TAF4B: variants seen among roughly 807,000 people sequenced by gnomAD.
TAF4B encodes the protein transcription initiation factor TFIID subunit 4B.
A neutral mutation model predicts 86.4 loss-of-function variants in TAF4B; 38 were observed. The observed-to-expected ratio is 0.44, with a 90% CI of 0.34 to 0.58. TAF4B has a LOEUF of 0.58. Ranked by LOEUF, TAF4B falls within the 20% of genes least tolerant of loss-of-function variation. The pLI is 0.02. For missense variants in TAF4B, 988 were observed against 1,027.6 expected (o/e 0.96, Z 0.53); for synonymous variants, 388 against 391.2 (o/e 0.99, Z 0.10).
chr18:26,307,551 A>G (rs1370879181), intron 9 of TAF4B, among the ~76,000 whole-genome samples: 1 of 152,072 alleles, frequency 6.6e-6, no homozygotes, highest in Non-Finnish European at 1.5e-5. Context: ...TATTTTAGAG[A>G]TACATAATAA....
At chr18:26,306,201 G>C (rs2056793005) in intron 9 of TAF4B, among the ~76,000 whole-genome samples, 1 of 151,950 alleles carries the variant, frequency 6.6e-6, no homozygotes, top group Non-Finnish European at 1.5e-5. Context: ...ATTTTGGGGG[G>C]TACATAGGCG....
At chr18:26,333,323 C>T (rs973514373) in intron 12 of TAF4B, among the ~76,000 whole-genome samples, 5 of 150,176 alleles carry the variant, frequency 3.3e-5, no homozygotes, top group African/African-American at 9.8e-5. Flanking sequence ...CAGGTTCAAA[C>T]GATTCTTAGG....
intron 12 of TAF4B, among the ~76,000 whole-genome samples, chr18:26,330,521 C>G (rs751006639): frequency 3.3e-5 from 5 of 152,142 alleles, no homozygotes; most frequent in African/African-American, 4.8e-5. Context: ...AGAAACTGAG[C>G]TTAGGTCATA....
intron 13 of TAF4B, among the ~76,000 whole-genome samples, chr18:26,346,057 G>T (rs1454094188): frequency 6.6e-6 from 1 of 152,058 alleles, no homozygotes; most frequent in Non-Finnish European, 1.5e-5. Flanking sequence ...TAACTTTGAA[G>T]TTCTGGGCTC....
intron 6 of TAF4B, among the ~76,000 whole-genome samples, chr18:26,285,232 T>TGTTTTTG: frequency 7.3e-6 from 1 of 137,908 alleles, no homozygotes; most frequent in Non-Finnish European, 1.6e-5. Context: ...GTTTTTTTTT[T>TGTTTTTG]TTTTGGAGAT....
In TAF4B at chr18:26,286,008, G is replaced by A. The variant is rs550836716; in HGVS notation, c.1099G>A (p.Val367Met). ...TACAACAGTAACAACTTCTCCTGTG[G>A]TGACAACTACAGTGTCCTCAAGCCA... ...CTTTVTTSPV[V>M]TTTVSSSQSE... The change falls in exon 7 of 15, where the codon GTG (valine) becomes ATG (methionine). Residue 367 changes from valine to methionine, a missense_variant. By Grantham distance (21) the Val-to-Met change is conservative. Transcript: ENST00000269142. 1.6e-4 allele frequency: 251 copies of A among 1,614,188 alleles called. 1 individual carries two copies. Among genetic ancestry groups the A allele is most frequent in the Non-Finnish European group, 3.4e-6 (4 of 1,180,042 alleles).
chr18:26,383,566 T>C (rs575241604), intron 14 of TAF4B, among the ~76,000 whole-genome samples: 4 of 152,172 alleles, frequency 2.6e-5, no homozygotes, highest in Non-Finnish European at 5.9e-5. Flanking sequence ...AATTGAACAG[T>C]GGCATCTGGA....
At chr18:26,257,488 C>T (rs2056101181) in intron 1 of TAF4B, among the ~76,000 whole-genome samples, 1 of 152,108 alleles carries the variant, frequency 6.6e-6, no homozygotes, top group Non-Finnish European at 1.5e-5. Flanking sequence ...TTTTATCCAA[C>T]CTAGCACTTT....
At chr18:26,315,498 G>A (rs2050935806) in intron 10 of TAF4B, 100 bp downstream of exon 10, 3 of 773,328 alleles carry the variant, frequency 3.9e-6, no homozygotes, top group East Asian at 2.7e-5. Context: ...GGAACTCTGA[G>A]GCTTAAATAA....
chr18:26,323,391 G>A (rs1316409569), intron 11 of TAF4B, among the ~76,000 whole-genome samples: 2 of 152,032 alleles, frequency 1.3e-5, no homozygotes, highest in East Asian at 3.9e-4. Context: ...ATCCAGGCTG[G>A]AGTGCAGTGG....
intron 3 of TAF4B, among the ~76,000 whole-genome samples, chr18:26,271,722 G>C (rs2056320901): frequency 6.6e-6 from 1 of 152,068 alleles, no homozygotes; most frequent in Non-Finnish European, 1.5e-5. Context: ...TCAGGAGTTT[G>C]AGACCAGCTT....
intron 13 of TAF4B, among the ~76,000 whole-genome samples, chr18:26,349,190 T>C (rs2057224316): frequency 6.6e-6 from 1 of 152,188 alleles, no homozygotes; most frequent in Admixed American, 6.5e-5. Context: ...TGGGGTACGA[T>C]TGATCCCAGC....
chr18:26,244,199 C>T (rs1004112371), intron 1 of TAF4B, among the ~76,000 whole-genome samples: 4 of 152,232 alleles, frequency 2.6e-5, no homozygotes, highest in African/African-American at 9.6e-5. Context: ...GACAGGAAGG[C>T]CTCCTTGAGC....
chr18:26,338,708 C>T (rs533298814), intron 13 of TAF4B, among the ~76,000 whole-genome samples: 4 of 151,820 alleles, frequency 2.6e-5, no homozygotes, highest in Non-Finnish European at 4.4e-5. Flanking sequence ...GAACTCCCGA[C>T]GTCAGGTGAT....
At chr18:26,237,126 G>T (rs971865901) in intron 1 of TAF4B, among the ~76,000 whole-genome samples, 1 of 152,104 alleles carries the variant, frequency 6.6e-6, no homozygotes, top group Admixed American at 6.6e-5. Context: ...GTCCCAGTGG[G>T]GATCCGTACT....
chr18:26,257,977 TGGGTGTG>T (rs1285525952), intron 1 of TAF4B, among the ~76,000 whole-genome samples: 2 of 151,990 alleles, frequency 1.3e-5, no homozygotes, highest in Non-Finnish European at 2.9e-5. Flanking sequence ...AAGCTGAGGC[TGGGTGTG>T]GTGGCTCATG....
At chr18:26,388,042 G>A (rs1978480803) in intron 14 of TAF4B, among the ~76,000 whole-genome samples, 2 of 152,112 alleles carry the variant, frequency 1.3e-5, no homozygotes, top group African/African-American at 2.4e-5. Flanking sequence ...GTTATAAAAG[G>A]ACAGTAACAG....
At chr18:26,232,522 A>G (rs1405809296) in intron 1 of TAF4B, among the ~76,000 whole-genome samples, 1 of 152,232 alleles carries the variant, frequency 6.6e-6, no homozygotes, top group Non-Finnish European at 1.5e-5. Context: ...GGCGAGTAAT[A>G]GCAAGATGGC....
At chr18:26,231,342 GGGGTTTTTTT>G (rs1374307924) in intron 1 of TAF4B, among the ~76,000 whole-genome samples, 582 of 30,960 alleles carry the variant, frequency 0.019, 22 homozygotes, top group African/African-American at 0.069. Flanking sequence ...CCAGCTGCTT[GGGGTTTTTTT>G]TTTTTTTTTT....
Sources: gnomAD v4.1 joint callset for allele counts (sites outside exome capture counted in the v4.1 genomes callset) on GRCh38, gnomAD v4.1.1 for gene constraint, MANE v1.5 for transcripts, NCBI Gene and HGNC (gene_info 2026-07-23, HGNC 2026-07-21) for gene names.